Variants in NTNG1 observed in about 807,000 individuals in gnomAD.
NTNG1 encodes netrin-G1.
Under a neutral mutation model 54.0 loss-of-function variants are expected in NTNG1, and 16 were observed. The observed-to-expected ratio is 0.30, with a 90% CI of 0.20 to 0.45. NTNG1 has a LOEUF of 0.45. Among genes scored for constraint, NTNG1 ranks in the 20% least tolerant of loss-of-function variants. The probability of loss-of-function intolerance (pLI) is 1.00; values close to 1 mark genes in which losing one functional copy is unlikely to be tolerated. For synonymous variants in NTNG1, 255 were observed against 263.1 expected (o/e 0.97, Z 0.30); for missense variants, 530 against 678.7 (o/e 0.78, Z 2.43).
chr1:107,422,607 G>A (rs1674646875), intron 5 of NTNG1, among the ~76,000 whole-genome samples: 1 of 152,066 alleles, frequency 6.6e-6, no homozygotes, highest in Non-Finnish European at 1.5e-5. Context: ...AAGACAGGAT[G>A]GTGGGTGGGG....
At chr1:107,394,678 C>A (rs1270297576) in intron 3 of NTNG1, among the ~76,000 whole-genome samples, 1 of 152,218 alleles carries the variant, frequency 6.6e-6, no homozygotes, top group East Asian at 1.9e-4. Flanking sequence ...GTCTGAATAG[C>A]AAATTATTTT....
intron 3 of NTNG1, among the ~76,000 whole-genome samples, chr1:107,352,824 C>A (rs1396457745): frequency 6.6e-6 from 1 of 152,206 alleles, no homozygotes; most frequent in Non-Finnish European, 1.5e-5. Flanking sequence ...AGGCTTAACA[C>A]CACATGGAAA....
intron 2 of NTNG1, among the ~76,000 whole-genome samples, chr1:107,322,436 A>G (rs1667710596): frequency 6.6e-6 from 1 of 152,096 alleles, no homozygotes; most frequent in South Asian, 2.1e-4. Context: ...AGTAAATTTC[A>G]AATGAAGGTG....
intron 2 of NTNG1, among the ~76,000 whole-genome samples, chr1:107,242,378 T>C (rs952962651): frequency 6.6e-6 from 1 of 152,194 alleles, no homozygotes; most frequent in African/African-American, 2.4e-5. Flanking sequence ...TATATATGCA[T>C]ATATTACCTA....
chr1:107,292,509 T>A (rs1357228483), intron 2 of NTNG1, among the ~76,000 whole-genome samples: 3 of 152,008 alleles, frequency 2.0e-5, no homozygotes, highest in African/African-American at 7.3e-5. Context: ...TAATAATTGG[T>A]CACTGCCAGC....
At chr1:107,236,640 G>A (rs1661430787) in intron 2 of NTNG1, among the ~76,000 whole-genome samples, 1 of 152,184 alleles carries the variant, frequency 6.6e-6, no homozygotes. Context: ...TGTGTTGTGG[G>A]AAGGACTCAG....
chr1:107,273,620 C>T (rs1664291833), intron 2 of NTNG1, among the ~76,000 whole-genome samples: 1 of 152,126 alleles, frequency 6.6e-6, no homozygotes, highest in Admixed American at 6.6e-5. Flanking sequence ...CTAGTAGGTG[C>T]TGTCTGAATA....
chr1:107,183,236 C>T (rs1483646905), intron 2 of NTNG1, among the ~76,000 whole-genome samples: 4 of 152,104 alleles, frequency 2.6e-5, no homozygotes, highest in African/African-American at 7.2e-5. Flanking sequence ...TGCAAAACAG[C>T]TACTTCTCTT....
chr1:107,401,260 C>G (rs1427487268), intron 4 of NTNG1, among the ~76,000 whole-genome samples: 3 of 152,138 alleles, frequency 2.0e-5, no homozygotes, highest in African/African-American at 7.2e-5. Context: ...GACTACCAGC[C>G]TTTCTGGCTC....
At chr1:107,323,080 A>G (rs969605072) in intron 2 of NTNG1, among the ~76,000 whole-genome samples, 6 of 151,682 alleles carry the variant, frequency 4.0e-5, no homozygotes, top group Admixed American at 2.6e-4. Context: ...TCCTACAGGT[A>G]TGATGAAAAG....
intron 5 of NTNG1, chr1:107,418,789 T>C: frequency 1.7e-6 from 1 of 600,726 alleles, no homozygotes; most frequent in Non-Finnish European, 2.9e-6. Flanking sequence ...TTTTCTAATA[T>C]GAAGAGTGTC....
chr1:107,168,096 A>G (rs1250042296), intron 2 of NTNG1, among the ~76,000 whole-genome samples: 1 of 152,092 alleles, frequency 6.6e-6, no homozygotes, highest in African/African-American at 2.4e-5. Context: ...CTTTGAAACA[A>G]GATTATTCAT....
chr1:107,371,429 A>G (rs1305949034), intron 3 of NTNG1, among the ~76,000 whole-genome samples: 1 of 152,084 alleles, frequency 6.6e-6, no homozygotes, highest in Non-Finnish European at 1.5e-5. Flanking sequence ...TACATGATAG[A>G]TTCTATAGCT....
intron 1 of NTNG1, among the ~76,000 whole-genome samples, chr1:107,146,519 T>A (rs987456715): frequency 6.6e-6 from 1 of 152,098 alleles, no homozygotes; most frequent in African/African-American, 2.4e-5. Flanking sequence ...CTTCTCTGAT[T>A]TTTTTCTTTT....
intron 2 of NTNG1, among the ~76,000 whole-genome samples, chr1:107,296,068 T>A (rs764196145): frequency 6.6e-6 from 1 of 152,122 alleles, no homozygotes; most frequent in Non-Finnish European, 1.5e-5. Flanking sequence ...ATTACTCAGG[T>A]TTCATCCTCA....
At chr1:107,416,185 A>C (rs1303272614) in intron 5 of NTNG1, among the ~76,000 whole-genome samples, 1 of 152,154 alleles carries the variant, frequency 6.6e-6, no homozygotes, top group African/African-American at 2.4e-5. Context: ...AGGAAGGCAG[A>C]GCACATAAAA....
At chr1:107,141,524 G>T (rs920903781) in intron 1 of NTNG1, 3 of 151,600 alleles carry the variant, frequency 2.0e-5, no homozygotes, top group African/African-American at 7.2e-5. Context: ...CCTCTCCCCC[G>T]GGTTTCCCCA....
intron 3 of NTNG1, among the ~76,000 whole-genome samples, chr1:107,327,129 A>T (rs1173357874): frequency 6.6e-6 from 1 of 152,134 alleles, no homozygotes; most frequent in African/African-American, 2.4e-5. Flanking sequence ...TGGGCAAATG[A>T]GAAAGGTCCA....
intron 2 of NTNG1, among the ~76,000 whole-genome samples, chr1:107,240,710 G>A (rs779611200): frequency 6.6e-6 from 1 of 152,132 alleles, no homozygotes; most frequent in Non-Finnish European, 1.5e-5. Context: ...GATTTTCATT[G>A]TTCAGTTAGT....
Sources: allele counts gnomAD v4.1 joint callset (sites outside exome capture counted in the v4.1 genomes callset), GRCh38; gene constraint gnomAD v4.1.1; transcripts MANE v1.5; gene names NCBI Gene and HGNC (gene_info 2026-07-23, HGNC 2026-07-21).